The following SLC25A19 variants were observed in gnomAD, a reference collection of about 807,000 sequenced individuals.
The protein encoded by SLC25A19 is mitochondrial thiamine pyrophosphate carrier.
SLC25A19 carries 18 observed loss-of-function variants against 27.9 expected under a neutral mutation model. The observed-to-expected ratio is 0.64, with a 90% confidence interval of 0.45 to 0.96. SLC25A19 has a LOEUF of 0.96. Ranked by LOEUF, SLC25A19 falls within the 40% of genes least tolerant of loss-of-function variation. The pLI is 0.00. For synonymous variants in SLC25A19, 169 were observed against 167.1 expected (o/e 1.01, Z -0.09); for missense variants, 371 against 418.3 (o/e 0.89, Z 0.99).
chr17:75,282,214 C>G (rs1416225657), intron 5 of SLC25A19, among the ~76,000 whole-genome samples: 1 of 152,050 alleles, frequency 6.6e-6, no homozygotes, highest in Non-Finnish European at 1.5e-5. Context: ...GATCATGCCA[C>G]TGCACTGCAG....
Position 75,283,423 on chromosome 17 carries a change from C to T in SLC25A19, c.459G>A (p.Lys153=). 3 of 1,611,840 alleles carry T rather than the reference C, an allele frequency of 1.9e-6. No homozygotes were observed. Among genetic ancestry groups the T allele is most frequent in the Non-Finnish European group, 2.5e-6 (3 of 1,179,744 alleles). Residue 153 remains lysine, a splice_region_variant and synonymous_variant, in exon 5 of 8, where the codon AAG becomes AAA. Transcript: ENST00000416858. The part of the protein sequence containing the change: ...RTRFAAQGEP[K]VYNTLRHAVG... ...CCCGGTCTGGCTCCTGGCCACTCAC[C>T]TTGGGCTCACCCTGAGCTGCAAAGC...
At chr17:75,277,074 G>T (rs1209632392) in intron 7 of SLC25A19, among the ~76,000 whole-genome samples, 7 of 151,376 alleles carry the variant, frequency 4.6e-5, no homozygotes, top group Admixed American at 1.3e-4. Flanking sequence ...GAGGGTTCAA[G>T]ACCAGCCTGG....
intron 5 of SLC25A19, among the ~76,000 whole-genome samples, chr17:75,283,071 G>C (rs1001756937): frequency 7.3e-5 from 11 of 150,918 alleles, no homozygotes; most frequent in African/African-American, 2.7e-4. Context: ...AGGCCGAGGC[G>C]GGCGGATCGT....
At position 75,275,681 on chromosome 17, in the gene SLC25A19, G is replaced by A. The variant is rs563193788; in HGVS notation, c.774+1672C>T. On this transcript the variant is annotated intron_variant, in intron 7 of 7. Coordinates refer to ENST00000416858, the MANE Select transcript of SLC25A19 (RefSeq NM_001126121.2). ...CATAAAATACAACTTAGGCCCAGGT[G>A]TGGCGGCTCATGCCTGTAATCCCAG... is the stretch of plus-strand genomic sequence containing the variant. Among the ~76,000 whole-genome samples, 89 of 152,332 alleles carry A rather than the reference G, an allele frequency of 5.8e-4. No individual in the cohort carries two copies. In the Middle Eastern group the frequency reaches 0.01, roughly 17 times the overall value.
In SLC25A19 at chr17:75,278,328, T is replaced by C; in HGVS notation, c.467A>G (p.Asn156Ser). 1 of 1,613,994 alleles carries C rather than the reference T, an allele frequency of 6.2e-7. No homozygotes were observed. The highest frequency in any genetic ancestry group is 8.5e-7 in the Non-Finnish European group (1 of 1,179,990). Residue 156 changes from asparagine (N) to serine (S), a missense_variant, in exon 6 of 8, where the codon AAT (asparagine) becomes AGT (serine). By Grantham distance (46) the Asn-to-Ser change is conservative. Coordinates refer to ENST00000416858, the MANE Select transcript of SLC25A19 (RefSeq NM_001126121.2). ...GGTCCCCACGGCGTGGCGCAGCGTA[T>C]TATAGACCTGGACACACACACGCAC... ...FAAQGEPKVYNTLRHAVGTMY... is the reference protein window; with the variant it reads ...FAAQGEPKVYSTLRHAVGTMY...
rs1567844028 is a variant in SLC25A19 at position 75,286,770 on chromosome 17, C to T, written c.-6G>A. On this transcript the variant is annotated 5_prime_UTR_variant, in exon 3 of 8. Transcript: ENST00000416858. ...TTGGGGTCATAGCCAACCATCCCTG[C>T]CTCTGGCCCACACAATGTCCATCAG... The T allele has an allele frequency of 1.2e-6, 2 of 1,614,136 alleles. No individual in the cohort carries two copies. The highest frequency in any genetic ancestry group is 1.7e-6 in the Non-Finnish European group (2 of 1,180,012).
At chr17:75,275,824 A>G (rs1567833633) in intron 7 of SLC25A19, among the ~76,000 whole-genome samples, 1 of 151,878 alleles carries the variant, frequency 6.6e-6, no homozygotes, top group African/African-American at 2.4e-5. Context: ...AAAATACAAA[A>G]ATTAGGACAT....
intron 5 of SLC25A19, among the ~76,000 whole-genome samples, chr17:75,278,833 A>G (rs1266286796): frequency 1.3e-5 from 2 of 151,676 alleles, no homozygotes; most frequent in Non-Finnish European, 2.9e-5. Context: ...AAATACAAAA[A>G]TTAGCTGGGG....
At position 75,289,391 on chromosome 17, in the gene SLC25A19, C is replaced by A. The variant is rs918850881; in HGVS notation, c.-166G>T. ...GTGCGGCCCGGCTCAGCGCTCTCCG[C>A]TCTCTCTAGCTCCTCGCGCAGTCTT... On this transcript the variant is annotated 5_prime_UTR_variant, in exon 1 of 8. Transcript: ENST00000416858. The A allele has an allele frequency of 7.2e-6, 1 of 139,380 alleles. No individual in the cohort carries two copies. Among genetic ancestry groups the A allele is most frequent in the African/African-American group, 3.4e-5 (1 of 29,606 alleles). The allele number at this position is 139,380 out of a possible 1,614,324, so 8.6% of individuals were successfully genotyped here.
At position 75,286,447 on chromosome 17, in the gene SLC25A19, G is replaced by A. The variant is rs753391010; in HGVS notation, c.145C>T (p.Arg49Cys). 7 of 1,614,068 alleles carry A rather than the reference G, an allele frequency of 4.3e-6. No individual in the cohort carries two copies. Among genetic ancestry groups the A allele is most frequent in the African/African-American group, 2.7e-5 (2 of 75,034 alleles). ...GCGCTGGGGTCACTGCGAGACAGGC[G>A]CTCATGCTGAAGCTAGGAATCAAAA... ...IKIRFQLQHE[R>C]LSRSDPSAKY... is the part of the protein sequence containing the mutation. The change falls in exon 4 of 8, where the codon CGC becomes TGC. Residue 49 changes from arginine to cysteine, a missense_variant. Physicochemically the swap from Arg to Cys is radical, Grantham distance 180. Transcript: ENST00000416858.
intron 5 of SLC25A19, among the ~76,000 whole-genome samples, chr17:75,280,145 T>A (rs1567838267): frequency 6.6e-6 from 1 of 152,054 alleles, no homozygotes; most frequent in South Asian, 2.1e-4. Flanking sequence ...GGCAGGAGGA[T>A]CACTTGAGCC....
chr17:75,280,741 G>C (rs948250596), intron 5 of SLC25A19, among the ~76,000 whole-genome samples: 1 of 151,730 alleles, frequency 6.6e-6, no homozygotes, highest in Non-Finnish European at 1.5e-5. Flanking sequence ...TAAAACTGGG[G>C]GTGGAGCTTG....
Position 75,273,454 on chromosome 17 carries a change from G to A in SLC25A19, c.960C>T (p.Arg320=), listed in dbSNP as rs34342258. The A allele has an allele frequency of 6.2e-7, 1 of 1,613,824 alleles. No individual in the cohort carries two copies. Among genetic ancestry groups the A allele is most frequent in the East Asian group, 2.2e-5 (1 of 44,888 alleles). The change falls in exon 8 of 8, where the codon CGC becomes CGT. Residue 320 remains arginine, a synonymous_variant. Coordinates refer to ENST00000416858, the MANE Select transcript of SLC25A19 (RefSeq NM_001126121.2). Reference sequence around the variant, plus strand: ...AGACCTGGGGTCCTTCCTGCACTCAGCGCTGGCTGGCTGTCCTGTTCATGC... The same window carrying A: ...AGACCTGGGGTCCTTCCTGCACTCAACGCTGGCTGGCTGTCCTGTTCATGC... The part of the protein sequence containing the change: ...FHCMNRTASQ[R]
chr17:75,286,888 G>A, intron 2 of SLC25A19, 86 bp from the exon 3 acceptor site: 2 of 1,269,582 alleles, frequency 1.6e-6, no homozygotes, highest in African/African-American at 1.5e-5. Context: ...AGCCCTCCCT[G>A]ACTAGACTGT....
chr17:75,277,277 G>A, intron 7 of SLC25A19, 76 bp downstream of exon 7: 1 of 1,584,578 alleles, frequency 6.3e-7, no homozygotes, highest in East Asian at 2.3e-5. Context: ...CAATGGGTAG[G>A]AGGTGACTAC....
At chr17:75,287,074 A>G in intron 2 of SLC25A19, 1 of 352,322 alleles carries the variant, frequency 2.8e-6, no homozygotes, top group Non-Finnish European at 5.5e-6. Context: ...ATAAAATAGC[A>G]CTTGTTTTAT....
chr17:75,284,120 A>G (rs1459415798), intron 4 of SLC25A19, among the ~76,000 whole-genome samples: 2 of 150,628 alleles, frequency 1.3e-5, no homozygotes, highest in Non-Finnish European at 3.0e-5. Flanking sequence ...GTCTCAAAAA[A>G]AAGACTGGGT....
rs1373591809 is a variant in SLC25A19, at chr17:75,277,139, T to G, written c.774+214A>C. Reference sequence around the variant, plus strand: ...AAAGAAAAAAAAAAAGAGCAGACACTGTATGTCCTTGGCCCAGATCCTTCC... The same window carrying G: ...AAAGAAAAAAAAAAAGAGCAGACACGGTATGTCCTTGGCCCAGATCCTTCC... On this transcript the variant is annotated intron_variant, in intron 7 of 7. Transcript: ENST00000416858. Among the ~76,000 whole-genome samples the G allele has an allele frequency of 2.0e-5, 3 of 150,572 alleles. No individual in the cohort carries two copies. The East Asian group carries it at 5.8e-4, about 29-fold the overall frequency.
intron 4 of SLC25A19, among the ~76,000 whole-genome samples, chr17:75,284,716 C>T (rs2078142302): frequency 6.7e-6 from 1 of 149,848 alleles, no homozygotes; most frequent in African/African-American, 2.5e-5. Context: ...AAACACGGCT[C>T]ACTGCAGCCT....
Sources: allele counts gnomAD v4.1 joint callset (sites outside exome capture counted in the v4.1 genomes callset), GRCh38; gene constraint gnomAD v4.1.1; transcripts MANE v1.5; gene names NCBI Gene and HGNC (gene_info 2026-07-23, HGNC 2026-07-21).